Variants in PCMTD1 observed in about 807,000 individuals in gnomAD.
PCMTD1 encodes the protein protein-L-isoaspartate O-methyltransferase domain-containing protein 1.
A neutral mutation model predicts 37.6 loss-of-function variants in PCMTD1; 12 were observed. The observed-to-expected ratio is 0.32, with a 90% CI of 0.20 to 0.52. The LOEUF is 0.52. Ranked by LOEUF, PCMTD1 falls within the 20% of genes least tolerant of loss-of-function variation. The probability of loss-of-function intolerance (pLI) is 0.97; values close to 1 mark genes in which losing one functional copy is unlikely to be tolerated. For missense variants in PCMTD1, 235 were observed against 421.3 expected, an observed-to-expected ratio of 0.56 and a Z score of 3.87; for synonymous variants, 117 against 135.8, an observed-to-expected ratio of 0.86 and a Z score of 0.96.
At chr8:51,870,413 TATAA>T (rs1295535717) in intron 1 of PCMTD1, 2 of 152,116 alleles carry the variant, frequency 1.3e-5, no homozygotes, top group Non-Finnish European at 2.9e-5. Context: ...TATGATGAAA[TATAA>T]ATAAAGAATT....
intron 3 of PCMTD1, chr8:51,844,923 C>T (rs1446629202): frequency 1.3e-5 from 2 of 152,154 alleles, no homozygotes; most frequent in South Asian, 2.1e-4. Flanking sequence ...TGTTTTCTAT[C>T]CTTTTTAACA....
chr8:51,861,286 G>A (rs1239539464), intron 1 of PCMTD1, 40 bp from the exon 2 acceptor site: 20 of 1,306,592 alleles, frequency 1.5e-5, no homozygotes, highest in Admixed American at 3.0e-5. Flanking sequence ...TTAAATTAAT[G>A]CTCAAAAGCA....
chr8:51,826,573 A>G (rs951764418), intron 5 of PCMTD1, among the ~76,000 whole-genome samples: 1 of 152,232 alleles, frequency 6.6e-6, no homozygotes, highest in Non-Finnish European at 1.5e-5. Flanking sequence ...TATCTCTAAC[A>G]CACACATTAG....
intron 1 of PCMTD1, among the ~76,000 whole-genome samples, chr8:51,889,130 A>T (rs1585859708): frequency 6.6e-6 from 1 of 152,286 alleles, no homozygotes; most frequent in Middle Eastern, 3.4e-3. Context: ...CTCACTGCCT[A>T]CAATATTGGT....
chr8:51,825,797 A>C (rs1318581252), intron 5 of PCMTD1, among the ~76,000 whole-genome samples: 2 of 152,072 alleles, frequency 1.3e-5, no homozygotes, highest in Non-Finnish European at 2.9e-5. Flanking sequence ...GCAAATCAAA[A>C]CCACAATGAA....
rs563745748 is a variant in PCMTD1 at position 51,876,202 on chromosome 8, T to C, written c.-95-14956A>G. 2.6e-5 allele frequency among the ~76,000 whole-genome samples: 4 copies of C among 152,322 alleles called. No individual in the cohort carries two copies. In the East Asian group the frequency reaches 5.8e-4, roughly 22 times the overall value. Reference sequence around the variant, plus strand: ...GGGAGATTTTTGTACAGTTACTAAATACGCATAAAATACTTTTGATTTTAG... The same window carrying C: ...GGGAGATTTTTGTACAGTTACTAAACACGCATAAAATACTTTTGATTTTAG... On this transcript the variant is annotated intron_variant, in intron 1 of 5. Coordinates refer to ENST00000522514, the MANE Select transcript of PCMTD1 (RefSeq NM_052937.4).
rs2038466661 is a variant in PCMTD1, at chr8:51,861,346, C to T, written c.-95-100G>A. On this transcript the variant is annotated intron_variant, in intron 1 of 5. Transcript: ENST00000522514. ...GTCATTATAATTAACTACCATTTCT[C>T]ATGGAAATATTCTGCTCCAGCATAG... The T allele has an allele frequency of 3.5e-6, 3 of 859,270 alleles. No homozygotes were observed. The African/African-American group carries it at 5.1e-5, about 15-fold the overall frequency. The allele number at this position is 859,270 out of a possible 1,614,324, so 53.2% of individuals were successfully genotyped here.
At chr8:51,898,845 A>G (rs959067331) in intron 1 of PCMTD1, 85 bp downstream of exon 1, 54 of 1,189,854 alleles carry the variant, frequency 4.5e-5, no homozygotes, top group Non-Finnish European at 1.7e-5. Flanking sequence ...TCTGGCCTCC[A>G]AGCGCATCCC....
chr8:51,839,032 TAGG>T (rs1023074365), intron 3 of PCMTD1, among the ~76,000 whole-genome samples: 1 of 152,206 alleles, frequency 6.6e-6, no homozygotes, highest in Non-Finnish European at 1.5e-5. Context: ...ATACTTGATT[TAGG>T]AGTTCATTAA....
intron 2 of PCMTD1, among the ~76,000 whole-genome samples, chr8:51,851,792 A>G (rs1031448638): frequency 6.6e-6 from 1 of 151,942 alleles, no homozygotes; most frequent in Non-Finnish European, 1.5e-5. Context: ...AGTAGCTTAC[A>G]GGCATGAGCC....
chr8:51,889,306 G>A (rs991062847), intron 1 of PCMTD1, among the ~76,000 whole-genome samples: 1 of 152,150 alleles, frequency 6.6e-6, no homozygotes, highest in African/African-American at 2.4e-5. Context: ...GATTATTAAT[G>A]CAACTATCAT....
intron 3 of PCMTD1, among the ~76,000 whole-genome samples, chr8:51,834,414 C>G (rs933008102): frequency 1.3e-5 from 2 of 152,098 alleles, no homozygotes; most frequent in African/African-American, 2.4e-5. Context: ...CGGAGTTATG[C>G]TTTTACAAAC....
At chr8:51,858,629 T>C (rs1287840111) in intron 2 of PCMTD1, among the ~76,000 whole-genome samples, 4 of 152,362 alleles carry the variant, frequency 2.6e-5, no homozygotes, top group Middle Eastern at 6.8e-3. Flanking sequence ...AATTTAAGAC[T>C]TATTAGCTGT....
intron 1 of PCMTD1, among the ~76,000 whole-genome samples, chr8:51,869,567 C>T (rs949688385): frequency 6.6e-6 from 1 of 152,014 alleles, no homozygotes; most frequent in African/African-American, 2.4e-5. Context: ...ATTTCTGTTA[C>T]TTCAGTCACA....
intron 1 of PCMTD1, chr8:51,896,296 A>C (rs898287930): frequency 2.6e-5 from 4 of 152,192 alleles, no homozygotes; most frequent in African/African-American, 9.7e-5. Flanking sequence ...AAAATGAAAA[A>C]AGATTAATAA....
intron 1 of PCMTD1, among the ~76,000 whole-genome samples, chr8:51,885,096 C>T (rs2038845965): frequency 6.6e-6 from 1 of 152,132 alleles, no homozygotes; most frequent in Non-Finnish European, 1.5e-5. Flanking sequence ...AGAAAGACTA[C>T]ACACAAGCCA....
chr8:51,823,203 C>A (rs2129272765), intron 5 of PCMTD1, among the ~76,000 whole-genome samples: 1 of 152,314 alleles, frequency 6.6e-6, no homozygotes, highest in East Asian at 1.9e-4. Context: ...ATGGCTCAAG[C>A]CTGTAATCCC....
intron 1 of PCMTD1, among the ~76,000 whole-genome samples, chr8:51,861,524 C>T (rs1042731277): frequency 3.3e-5 from 5 of 152,114 alleles, no homozygotes; most frequent in African/African-American, 1.2e-4. Context: ...ATGGTGGCCA[C>T]TAGTCACACA....
chr8:51,854,003 CA>C (rs759753099), intron 2 of PCMTD1, among the ~76,000 whole-genome samples: 79 of 152,268 alleles, frequency 5.2e-4, no homozygotes, highest in Non-Finnish European at 6.6e-4. Context: ...TCTCAAGAGA[CA>C]AAATTTGCAA....
Sources: allele counts gnomAD v4.1 joint callset (sites outside exome capture counted in the v4.1 genomes callset), GRCh38; gene constraint gnomAD v4.1.1; transcripts MANE v1.5; gene names NCBI Gene and HGNC (gene_info 2026-07-23, HGNC 2026-07-21).